The following CNTLN variants were observed in gnomAD, a reference collection of about 807,000 sequenced individuals.
CNTLN encodes the protein centlein, centrosomal protein.
Under a neutral mutation model 180.0 loss-of-function variants are expected in CNTLN, and 212 were observed. The observed-to-expected ratio is 1.18, with a 90% CI of 1.05 to 1.32. The LOEUF (loss-of-function observed/expected upper bound fraction) is 1.32, where lower values mean the gene tolerates loss of function less well. Among genes scored for constraint, CNTLN ranks in the 40% most tolerant of loss-of-function variants. The pLI is 0.00. For missense variants in CNTLN, 2,095 were observed against 1,610.9 expected (o/e 1.30, Z -5.14); for synonymous variants, 722 against 563.1 (o/e 1.28, Z -3.99).
chr9:17,523,507 G>A, the CNTLN span, among the ~76,000 whole-genome samples: 1 of 152,182 alleles, frequency 6.6e-6, no homozygotes, highest in South Asian at 2.1e-4. Flanking sequence ...AAAGTGCTGG[G>A]ATTACAGGTG....
intron 23 of CNTLN, among the ~76,000 whole-genome samples, chr9:17,471,903 C>T (rs1832059089): frequency 6.6e-6 from 1 of 152,050 alleles, no homozygotes; most frequent in African/African-American, 2.4e-5. Flanking sequence ...TGAGACCCAA[C>T]ATGTAAATAC....
intron 2 of CNTLN, among the ~76,000 whole-genome samples, chr9:17,181,293 C>A (rs566379912): frequency 6.6e-6 from 1 of 152,276 alleles, no homozygotes; most frequent in South Asian, 2.1e-4. Context: ...TCTTTCCTGT[C>A]CTCTCCAGTT....
intron 23 of CNTLN, among the ~76,000 whole-genome samples, chr9:17,478,878 T>C (rs1268212709): frequency 6.6e-6 from 1 of 152,194 alleles, no homozygotes; most frequent in African/African-American, 2.4e-5. Flanking sequence ...GTAGGCTTGT[T>C]GTATGTTAAA....
At chr9:17,446,408 T>G (rs1480056565) in intron 18 of CNTLN, among the ~76,000 whole-genome samples, 1 of 152,208 alleles carries the variant, frequency 6.6e-6, no homozygotes, top group African/African-American at 2.4e-5. Flanking sequence ...AACATATGTC[T>G]TTCGCTAGCT....
At chr9:17,395,599 T>G (rs1219619786) in intron 15 of CNTLN, among the ~76,000 whole-genome samples, 1 of 152,192 alleles carries the variant, frequency 6.6e-6, no homozygotes, top group East Asian at 1.9e-4. Flanking sequence ...CACTAATTAT[T>G]TTATGTATGT....
chr9:17,334,339 C>T (rs553875346), intron 10 of CNTLN, among the ~76,000 whole-genome samples: 2 of 152,040 alleles, frequency 1.3e-5, no homozygotes, highest in Admixed American at 6.6e-5. Context: ...GGATTACAGG[C>T]GCGAGCCGCT....
intron 2 of CNTLN, among the ~76,000 whole-genome samples, chr9:17,155,086 C>T (rs1002249891): frequency 2.0e-5 from 3 of 152,146 alleles, no homozygotes; most frequent in African/African-American, 4.8e-5. Flanking sequence ...CAAAGGTCTG[C>T]GGCTTCACTC....
chr9:17,270,875 T>C (rs956668824), intron 5 of CNTLN, among the ~76,000 whole-genome samples: 4 of 151,808 alleles, frequency 2.6e-5, no homozygotes, highest in African/African-American at 9.7e-5. Context: ...GAACAAGATA[T>C]AGTGGGAAAC....
At chr9:17,466,999 A>C in intron 23 of CNTLN, 108 bp downstream of exon 23, 1 of 651,168 alleles carries the variant, frequency 1.5e-6, no homozygotes, top group South Asian at 2.5e-5. Flanking sequence ...TTCCTAACAC[A>C]GAAAGCATCT....
intron 15 of CNTLN, among the ~76,000 whole-genome samples, chr9:17,404,656 T>C (rs1303122279): frequency 6.6e-6 from 1 of 151,794 alleles, no homozygotes; most frequent in East Asian, 1.9e-4. Context: ...GTATTTGCTG[T>C]CCTTGGCAGT....
At chr9:17,210,263 T>A (rs984524256) in intron 2 of CNTLN, among the ~76,000 whole-genome samples, 9 of 152,178 alleles carry the variant, frequency 5.9e-5, no homozygotes, top group African/African-American at 2.2e-4. Flanking sequence ...CGTTCCTGTG[T>A]CCAAATGTTC....
chr9:17,453,180 G>A (rs943751013), intron 18 of CNTLN, among the ~76,000 whole-genome samples: 1 of 152,000 alleles, frequency 6.6e-6, no homozygotes, highest in African/African-American at 2.4e-5. Flanking sequence ...GGGTATGATG[G>A]TGCATACCTG....
At chr9:17,431,034 C>T (rs1248040803) in intron 18 of CNTLN, among the ~76,000 whole-genome samples, 4 of 152,010 alleles carry the variant, frequency 2.6e-5, no homozygotes, top group African/African-American at 9.7e-5. Context: ...GTATTTTTGA[C>T]ATACTGATTT....
chr9:17,331,976 G>T (rs1436251215), intron 9 of CNTLN, among the ~76,000 whole-genome samples: 1 of 151,952 alleles, frequency 6.6e-6, no homozygotes, highest in African/African-American at 2.4e-5. Context: ...TTTTTGTAAG[G>T]CCATGCAGTA....
chr9:17,431,599 C>A (rs1334661988), intron 18 of CNTLN, among the ~76,000 whole-genome samples: 1 of 152,046 alleles, frequency 6.6e-6, no homozygotes, highest in African/African-American at 2.4e-5. Context: ...AGATCTTACT[C>A]AAAAAATATT....
At chr9:17,168,756 CT>C (rs1030323845) in intron 2 of CNTLN, among the ~76,000 whole-genome samples, 8 of 151,684 alleles carry the variant, frequency 5.3e-5, no homozygotes, top group Middle Eastern at 3.4e-3. Context: ...TGATAAAGAC[CT>C]TTTTTTTCAG....
At position 17,416,045 on chromosome 9, in the gene CNTLN, C is replaced by T. The variant is rs750672745; in HGVS notation, c.2970C>T (p.Ser990=). The change falls in exon 18 of 26, where the codon TCC becomes TCT. Residue 990 remains serine (S), a synonymous_variant. Coordinates refer to ENST00000380647, the MANE Select transcript of CNTLN (RefSeq NM_017738.4). The stretch of plus-strand genomic sequence containing the variant: ...TTTTATTACGAGAACGGATTATATC[C>T]TTGCAACAACAAAACAGTGTACTTC... ...NIILLRERII[S]LQQQNSVLQN... The T allele has an allele frequency of 2.5e-6, 4 of 1,613,440 alleles. No individual in the cohort carries two copies. Among genetic ancestry groups the T allele is most frequent in the Non-Finnish European group, 3.4e-6 (4 of 1,179,662 alleles).
At chr9:17,404,896 C>G (rs958625379) in intron 15 of CNTLN, among the ~76,000 whole-genome samples, 6 of 151,582 alleles carry the variant, frequency 4.0e-5, no homozygotes, top group Admixed American at 6.6e-5. Flanking sequence ...CGCCACCACC[C>G]CAGGCTAATT....
At chr9:17,329,728 A>G (rs1479312253) in intron 8 of CNTLN, among the ~76,000 whole-genome samples, 2 of 151,724 alleles carry the variant, frequency 1.3e-5, no homozygotes, top group Non-Finnish European at 1.5e-5. Context: ...AGTTAACCGT[A>G]TATATTTTTC....
Sources: allele counts gnomAD v4.1 joint callset (sites outside exome capture counted in the v4.1 genomes callset), GRCh38; gene constraint gnomAD v4.1.1; transcripts MANE v1.5; gene names NCBI Gene and HGNC (gene_info 2026-07-23, HGNC 2026-07-21).